AUTS2: variants seen among roughly 807,000 people sequenced by gnomAD.
AUTS2 encodes the protein autism susceptibility gene 2 protein.
A neutral mutation model predicts 112.4 loss-of-function variants in AUTS2; 17 were observed. The observed-to-expected ratio is 0.15, with a 90% CI of 0.10 to 0.23. AUTS2 has a LOEUF of 0.23. Ranked by LOEUF, AUTS2 falls within the 10% of genes least tolerant of loss-of-function variation. The pLI, the probability that AUTS2 is intolerant of heterozygous loss-of-function variation, is 1.00. For synonymous variants in AUTS2, 751 were observed against 702.7 expected (o/e 1.07, Z -1.09); for missense variants, 1,510 against 1,701.6 (o/e 0.89, Z 1.98).
intron 1 of AUTS2, among the ~76,000 whole-genome samples, chr7:69,890,198 C>T: frequency 6.6e-6 from 1 of 152,248 alleles, no homozygotes; most frequent in Middle Eastern, 3.4e-3. Context: ...GCAGCCAACT[C>T]TCAATTATCT....
At chr7:70,624,894 C>G (rs945971318) in intron 5 of AUTS2, among the ~76,000 whole-genome samples, 1 of 152,102 alleles carries the variant, frequency 6.6e-6, no homozygotes, top group African/African-American at 2.4e-5. Flanking sequence ...GTGTAAGTCC[C>G]CATAGGTTTT....
At chr7:70,163,078 G>A (rs1284826009) in intron 4 of AUTS2, among the ~76,000 whole-genome samples, 1 of 151,952 alleles carries the variant, frequency 6.6e-6, no homozygotes, top group Non-Finnish European at 1.5e-5. Flanking sequence ...GGGCTGGCTA[G>A]GCAGGATCAG....
At chr7:70,192,492 T>C (rs1809956231) in intron 4 of AUTS2, among the ~76,000 whole-genome samples, 1 of 152,206 alleles carries the variant, frequency 6.6e-6, no homozygotes. Context: ...GTAAGTAGTT[T>C]GCTAATTGCA....
chr7:70,234,139 G>A (rs1253877852), intron 4 of AUTS2, among the ~76,000 whole-genome samples: 2 of 152,078 alleles, frequency 1.3e-5, no homozygotes, highest in African/African-American at 2.4e-5. Flanking sequence ...AGATATTTGC[G>A]CTTCTCATAG....
chr7:70,519,249 T>C (rs1799547626), intron 5 of AUTS2, among the ~76,000 whole-genome samples: 1 of 152,128 alleles, frequency 6.6e-6, no homozygotes, highest in Admixed American at 6.5e-5. Flanking sequence ...AAGGGAAGAC[T>C]AATAAAGTTA....
At chr7:70,317,004 G>A (rs1432376026) in intron 4 of AUTS2, 1 of 152,186 alleles carries the variant, frequency 6.6e-6, no homozygotes, top group African/African-American at 2.4e-5. Flanking sequence ...TGGGAGAAGA[G>A]GCCGGCGGAA....
At chr7:70,693,955 G>A (rs1242406076) in intron 5 of AUTS2, 1 of 151,980 alleles carries the variant, frequency 6.6e-6, no homozygotes. Flanking sequence ...GGGGACGAGA[G>A]GAGGGGCGGC....
intron 18 of AUTS2, among the ~76,000 whole-genome samples, chr7:70,789,297 G>A (rs527857590): frequency 6.6e-6 from 1 of 152,340 alleles, no homozygotes; most frequent in South Asian, 2.1e-4. Context: ...CACTGGTTCA[G>A]TGTTGCAAAG....
intron 1 of AUTS2, among the ~76,000 whole-genome samples, chr7:69,701,337 A>G (rs568484587): frequency 5.6e-4 from 85 of 152,292 alleles, no homozygotes; most frequent in African/African-American, 2.0e-3. Flanking sequence ...TTCTTCCTCT[A>G]TTCTTTACCT....
intron 1 of AUTS2, among the ~76,000 whole-genome samples, chr7:69,785,888 T>C (rs904613472): frequency 8.5e-5 from 13 of 152,210 alleles, no homozygotes; most frequent in Non-Finnish European, 1.8e-4. Context: ...TGGAGTGCAA[T>C]GGCGCAATCT....
intron 1 of AUTS2, among the ~76,000 whole-genome samples, chr7:69,798,701 T>C (rs1485718737): frequency 6.6e-6 from 1 of 152,132 alleles, no homozygotes; most frequent in African/African-American, 2.4e-5. Context: ...GCCCGAACAA[T>C]TAAAAATAGC....
chr7:70,173,036 T>G (rs1235396493), intron 4 of AUTS2, among the ~76,000 whole-genome samples: 1 of 152,194 alleles, frequency 6.6e-6, no homozygotes, highest in East Asian at 1.9e-4. Context: ...CTGTGGGGTT[T>G]CAATTTCTTC....
chr7:69,971,315 T>C (rs1797840663), intron 2 of AUTS2, among the ~76,000 whole-genome samples: 1 of 152,238 alleles, frequency 6.6e-6, no homozygotes, highest in African/African-American at 2.4e-5. Flanking sequence ...TGAAACTCAA[T>C]TGAATTGTTT....
At chr7:70,051,818 T>C (rs1387666881) in intron 2 of AUTS2, among the ~76,000 whole-genome samples, 1 of 152,234 alleles carries the variant, frequency 6.6e-6, no homozygotes, top group Admixed American at 6.5e-5. Flanking sequence ...TGGAGTAGTT[T>C]AATACTACTT....
intron 1 of AUTS2, among the ~76,000 whole-genome samples, chr7:69,828,108 T>C (rs1791334197): frequency 6.6e-6 from 1 of 152,208 alleles, no homozygotes; most frequent in Non-Finnish European, 1.5e-5. Context: ...ACATCCTTGC[T>C]TGCAGAACTT....
chr7:70,344,760 C>G (rs780992492), intron 4 of AUTS2, among the ~76,000 whole-genome samples: 10 of 152,132 alleles, frequency 6.6e-5, no homozygotes, highest in Non-Finnish European at 1.5e-4. Flanking sequence ...TGGAGTGAAG[C>G]TTTTCCATTT....
At chr7:70,203,327 T>A in intron 4 of AUTS2, among the ~76,000 whole-genome samples, 1 of 74,972 alleles carries the variant, frequency 1.3e-5, no homozygotes, top group Admixed American at 2.0e-4. Context: ...ACATGTACCC[T>A]AAAACTTAGA....
chr7:70,192,315 T>G (rs1426506159), intron 4 of AUTS2, among the ~76,000 whole-genome samples: 1 of 152,226 alleles, frequency 6.6e-6, no homozygotes, highest in African/African-American at 2.4e-5. Flanking sequence ...CTGTTTCTTA[T>G]AAAACTTTCT....
At chr7:70,226,998 G>A (rs903608384) in intron 4 of AUTS2, among the ~76,000 whole-genome samples, 28 of 152,076 alleles carry the variant, frequency 1.8e-4, no homozygotes, top group African/African-American at 6.3e-4. Context: ...TTGGGGTGAA[G>A]GTAGTTTCCT....
Sources: gnomAD v4.1 joint callset for allele counts (sites outside exome capture counted in the v4.1 genomes callset) on GRCh38, gnomAD v4.1.1 for gene constraint, MANE v1.5 for transcripts, NCBI Gene and HGNC (gene_info 2026-07-23, HGNC 2026-07-21) for gene names.